Variants in FA2H observed in about 807,000 individuals in gnomAD.
FA2H encodes the protein fatty acid alpha-hydroxylase.
FA2H carries 22 observed loss-of-function variants against 44.9 expected under a neutral mutation model. The observed-to-expected ratio is 0.49, with a 90% confidence interval of 0.35 to 0.70. FA2H has a LOEUF of 0.70. FA2H is among the 30% of genes least tolerant of loss of function. FA2H has a pLI of 0.01. For missense variants in FA2H, 501 were observed against 504.9 expected, an observed-to-expected ratio of 0.99 and a Z score of 0.07; for synonymous variants, 243 against 213.2, an observed-to-expected ratio of 1.14 and a Z score of -1.22.
chr16:74,738,284 G>C (rs1422697538), intron 2 of FA2H, among the ~76,000 whole-genome samples: 1 of 152,162 alleles, frequency 6.6e-6, no homozygotes, highest in Non-Finnish European at 1.5e-5. Context: ...AGCCAGGCAG[G>C]GAGCAGTCCA....
chr16:74,736,484 C>A (rs148193703), intron 2 of FA2H, among the ~76,000 whole-genome samples: 1 of 152,244 alleles, frequency 6.6e-6, no homozygotes, highest in Non-Finnish European at 1.5e-5. Context: ...AGTGACTGAT[C>A]TGGGGGTCCT....
intron 2 of FA2H, among the ~76,000 whole-genome samples, chr16:74,738,676 G>GC (rs1314320437): frequency 1.3e-5 from 2 of 152,188 alleles, no homozygotes; most frequent in African/African-American, 4.8e-5. Flanking sequence ...AGGACCCTGA[G>GC]CCAGGACACA....
intron 2 of FA2H, among the ~76,000 whole-genome samples, chr16:74,729,960 C>T (rs868267546): frequency 6.6e-6 from 1 of 152,016 alleles, no homozygotes; most frequent in Non-Finnish European, 1.5e-5. Context: ...AAGGGCTGCA[C>T]GTGGAAGAGC....
At chr16:74,744,384 A>C (rs1390686294) in intron 1 of FA2H, among the ~76,000 whole-genome samples, 2 of 151,900 alleles carry the variant, frequency 1.3e-5, no homozygotes, top group Non-Finnish European at 2.9e-5. Flanking sequence ...AAAACCAAAA[A>C]GTGCCTCAAA....
At chr16:74,771,762 A>G (rs1480913228) in intron 1 of FA2H, among the ~76,000 whole-genome samples, 1 of 151,290 alleles carries the variant, frequency 6.6e-6, no homozygotes, top group Non-Finnish European at 1.5e-5. Context: ...TTGTCTAGAG[A>G]CTCTCCCGAA....
At chr16:74,737,758 C>T (rs1333099236) in intron 2 of FA2H, among the ~76,000 whole-genome samples, 6 of 151,110 alleles carry the variant, frequency 4.0e-5, no homozygotes, top group Non-Finnish European at 8.9e-5. Flanking sequence ...GCAAACCCAC[C>T]CCAGGCCTGG....
At chr16:74,758,653 C>T (rs967615839) in intron 1 of FA2H, among the ~76,000 whole-genome samples, 4 of 151,976 alleles carry the variant, frequency 2.6e-5, no homozygotes, top group Admixed American at 1.3e-4. Flanking sequence ...TAGGCCAGGA[C>T]GGTGGCTCAC....
intron 6 of FA2H, among the ~76,000 whole-genome samples, chr16:74,715,815 C>CTTT (rs536329308): frequency 2.3e-4 from 32 of 136,338 alleles, no homozygotes; most frequent in South Asian, 4.7e-4. Flanking sequence ...TCTTCTTCTT[C>CTTT]TTTTTTTTTT....
At chr16:74,745,799 A>ATTTTTTTT (rs11365398) in intron 1 of FA2H, among the ~76,000 whole-genome samples, 2 of 72,428 alleles carry the variant, frequency 2.8e-5, no homozygotes, top group African/African-American at 1.0e-4. Context: ...CTGTCAATGG[A>ATTTTTTTT]TTTTTTTTTT....
At chr16:74,770,659 C>T (rs1465653192) in intron 1 of FA2H, among the ~76,000 whole-genome samples, 3 of 152,246 alleles carry the variant, frequency 2.0e-5, no homozygotes, top group Non-Finnish European at 2.9e-5. Flanking sequence ...GCATGAGCCA[C>T]TGTGCCCAGC....
At position 74,774,658 on chromosome 16, in the gene FA2H, A is replaced by AGGCGGGCCCCGC. The variant is rs1962976161; in HGVS notation, c.86_97dup (p.Arg29_Arg32dup). 6.9e-7 allele frequency: 1 copy of AGGCGGGCCCCGC among 1,444,174 alleles called. No homozygotes were observed. Among genetic ancestry groups the AGGCGGGCCCCGC allele is most frequent in the Non-Finnish European group, 9.1e-7 (1 of 1,101,920 alleles). 89.5% of individuals were successfully genotyped at this position (1,444,174 alleles called of 1,614,324 possible). On this transcript the variant is annotated inframe_insertion, in exon 1 of 7. Coordinates refer to ENST00000219368, the MANE Select transcript of FA2H (RefSeq NM_024306.5). Reference sequence around the variant, plus strand: ...CCGCACGAAGCTGGAGAGGTCGTAGAGGCGGGCCCCGCGGCGGACCCAGCA... The same window carrying AGGCGGGCCCCGC: ...CCGCACGAAGCTGGAGAGGTCGTAGAGGCGGGCCCCGCGGCGGGCCCCGCGGCGGACCCAGCA...
intron 1 of FA2H, among the ~76,000 whole-genome samples, chr16:74,756,809 T>G (rs1415133316): frequency 1.3e-5 from 2 of 152,062 alleles, no homozygotes; most frequent in Admixed American, 1.3e-4. Context: ...TGGAAAAATA[T>G]AAACCTAAAA....
chr16:74,774,735 G>C lies in FA2H; in HGVS notation c.21C>G (p.Pro7=), dbSNP rs918733475. MAPAPP[P]AASFSPSEVQ... ...CCTCGGAGGGCGAGAAGGAGGCGGC[G>C]GGGGGCGGAGCGGGGGCCATGGCCG... The change falls in exon 1 of 7, where the codon CCC becomes CCG. Residue 7 remains proline, a synonymous_variant. Coordinates refer to ENST00000219368, the MANE Select transcript of FA2H (RefSeq NM_024306.5). 8.3e-6 allele frequency: 11 copies of C among 1,321,034 alleles called. No homozygotes were observed. Among genetic ancestry groups the C allele is most frequent in the Non-Finnish European group, 1.1e-5 (11 of 1,045,130 alleles). 81.8% of individuals were successfully genotyped at this position (1,321,034 alleles called of 1,614,324 possible).
chr16:74,746,000 T>C (rs1306457139), intron 1 of FA2H, among the ~76,000 whole-genome samples: 1 of 151,618 alleles, frequency 6.6e-6, no homozygotes, highest in East Asian at 1.9e-4. Context: ...AGAGACGGGG[T>C]TTCACCGTGT....
chr16:74,756,539 A>G (rs1008023741), intron 1 of FA2H, among the ~76,000 whole-genome samples: 13 of 152,142 alleles, frequency 8.5e-5, no homozygotes, highest in Admixed American at 7.2e-4. Flanking sequence ...AGGCTCCAGA[A>G]TCACTCCCAC....
chr16:74,771,391 G>C (rs986721005), intron 1 of FA2H, among the ~76,000 whole-genome samples: 5 of 151,616 alleles, frequency 3.3e-5, no homozygotes, highest in African/African-American at 9.7e-5. Context: ...AGATTTTACC[G>C]TGTTGCCCAG....
rs1961616657 is a variant in FA2H at position 74,713,273 on chromosome 16, T to C, written c.*917A>G. 1 of 152,632 alleles carries C rather than the reference T, an allele frequency of 6.6e-6. No homozygotes were observed. Among genetic ancestry groups the C allele is most frequent in the Non-Finnish European group, 1.5e-5 (1 of 68,052 alleles). 9.5% of individuals were successfully genotyped at this position (152,632 alleles called of 1,614,324 possible). The stretch of plus-strand genomic sequence containing the variant: ...GGTCTGGGACCAGACTAAGAACATG[T>C]ATCTGGTTTATAAATAAGACCGTCC... On this transcript the variant is annotated 3_prime_UTR_variant, in exon 7 of 7. Transcript: ENST00000219368.
At chr16:74,734,155 T>C (rs985174855) in intron 2 of FA2H, among the ~76,000 whole-genome samples, 3 of 152,232 alleles carry the variant, frequency 2.0e-5, no homozygotes, top group Admixed American at 6.5e-5. Flanking sequence ...CTGTGGGCTA[T>C]GTACGTGGCT....
chr16:74,726,155 G>T, intron 4 of FA2H, 70 bp downstream of exon 4: 1 of 1,050,850 alleles, frequency 9.5e-7, no homozygotes, highest in Non-Finnish European at 1.5e-6. Flanking sequence ...GAAACTCTGG[G>T]CCAGGGAAAG....
Sources: gnomAD v4.1 joint callset for allele counts (sites outside exome capture counted in the v4.1 genomes callset) on GRCh38, gnomAD v4.1.1 for gene constraint, MANE v1.5 for transcripts, NCBI Gene and HGNC (gene_info 2026-07-23, HGNC 2026-07-21) for gene names.